USP9X: variants seen among roughly 807,000 people sequenced by gnomAD.
The protein encoded by USP9X is ubiquitin carboxyl-terminal hydrolase 9X.
A neutral mutation model predicts 190.3 loss-of-function variants in USP9X; 7 were observed. That is an observed-to-expected ratio of 0.04 (90% CI 0.02 to 0.07). USP9X has a LOEUF of 0.07. Ranked by LOEUF, USP9X falls within the 10% of genes least tolerant of loss-of-function variation. The probability of loss-of-function intolerance (pLI) is 1.00; values close to 1 mark genes in which losing one functional copy is unlikely to be tolerated. For synonymous variants in USP9X, 645 were observed against 659.5 expected (o/e 0.98, Z 0.34); for missense variants, 1,010 against 1,916.9 (o/e 0.53, Z 8.83).
rs184747330 is a variant in USP9X, at chrX:41,191,443, A to G, written c.3977+1968A>G. On this transcript the variant is annotated intron_variant, in intron 26 of 44. Coordinates refer to ENST00000378308, the MANE Select transcript of USP9X (RefSeq NM_001039591.3). ...CCCCTCAGATGGAGTTTATAATCCT[A>G]TAGTAACGTTTAAGCATAGTTATTT... Among the ~76,000 whole-genome samples, 34 of 111,587 alleles carry G rather than the reference A, an allele frequency of 3.0e-4. No homozygotes were observed. In the East Asian group the frequency reaches 7.3e-3, roughly 24 times the overall value.
At chrX:41,207,724 C>CG (rs2063117055) in intron 32 of USP9X, among the ~76,000 whole-genome samples, 1 of 110,960 alleles carries the variant, frequency 9.0e-6, no homozygotes, top group Admixed American at 9.6e-5. Context: ...CTGAGAGGAG[C>CG]GGGGAACGAA....
Position 41,186,630 on chromosome X carries a change from G to A in USP9X, c.3672G>A (p.Gln1224=), listed in dbSNP as rs764048922. The A allele has an allele frequency of 5.0e-6, 6 of 1,210,694 alleles. No individual in the cohort carries two copies. The East Asian group carries it at 1.8e-4, about 36-fold the overall frequency. Residue 1224 remains glutamine (Q), a synonymous_variant, in exon 24 of 45, where the codon CAG becomes CAA. Transcript: ENST00000378308. The stretch of plus-strand genomic sequence containing the variant: ...ATGTGTCAGTTCGTCTTGCTCAGCA[G>A]ATATCTGATGAGGTTAGTTTTATCA... ...LRNVSVRLAQ[Q]ISDEASRYMP...
intron 32 of USP9X, among the ~76,000 whole-genome samples, chrX:41,209,189 G>A (rs1291588289): frequency 2.7e-5 from 3 of 111,294 alleles, no homozygotes; most frequent in Non-Finnish European, 3.8e-5. Flanking sequence ...TATATATTCC[G>A]ATTTCCCAAA....
chrX:41,165,387 G>A (rs753819330), intron 15 of USP9X, among the ~76,000 whole-genome samples: 26 of 111,491 alleles, frequency 2.3e-4, no homozygotes, highest in Non-Finnish European at 4.5e-4. Context: ...CACCACACCC[G>A]GCTAATTTTT....
chrX:41,205,343 A>G lies in USP9X; in HGVS notation c.4865A>G (p.Gln1622Arg). The change falls in exon 32 of 45, where the codon CAA becomes CGA. Residue 1622 changes from glutamine to arginine, a missense_variant. Physicochemically the swap from Gln to Arg is conservative, Grantham distance 43. Around this residue, in one of 11 missense-constraint regions of USP9X, gnomAD observed 120 missense variants for 342.7 expected, o/e 0.35. Coordinates refer to ENST00000378308, the MANE Select transcript of USP9X (RefSeq NM_001039591.3). ...AGGGATGATGTATTTGGATATCCTC[A>G]ACAATTTGAAGATAAACCAGCATTA... ...DPRDDVFGYPQQFEDKPALSK... is the reference protein window; with the variant it reads ...DPRDDVFGYPRQFEDKPALSK... 1 of 1,203,792 alleles carries G rather than the reference A, an allele frequency of 8.3e-7. No individual in the cohort carries two copies. Among genetic ancestry groups the G allele is most frequent in the Non-Finnish European group, 1.1e-6 (1 of 892,323 alleles).
At chrX:41,224,656 A>G in intron 39 of USP9X, 86 bp from the exon 40 acceptor site, 2 of 860,219 alleles carry the variant, frequency 2.3e-6, no homozygotes, top group Non-Finnish European at 3.3e-6. Context: ...AAAAAAAATT[A>G]TAGGCTATTT....
intron 21 of USP9X, among the ~76,000 whole-genome samples, chrX:41,172,365 G>A (rs1658983150): frequency 1.8e-5 from 2 of 111,640 alleles, no homozygotes; most frequent in Admixed American, 1.9e-4. Context: ...GAAAATGTTT[G>A]CCTATACCTG....
intron 21 of USP9X, among the ~76,000 whole-genome samples, chrX:41,177,382 C>T (rs1250712967): frequency 1.8e-5 from 2 of 112,157 alleles, no homozygotes; most frequent in African/African-American, 6.5e-5. Context: ...TTGAATGGCA[C>T]ATGTCAGTTG....
chrX:41,140,814 T>C, intron 7 of USP9X, 43 bp downstream of exon 7: 1 of 1,105,103 alleles, frequency 9.0e-7, no homozygotes, highest in Non-Finnish European at 1.2e-6. Context: ...ACCGTAGAAT[T>C]GCTGGTTTTT....
At chrX:41,160,706 G>T (rs2062622252) in intron 14 of USP9X, among the ~76,000 whole-genome samples, 1 of 111,931 alleles carries the variant, frequency 8.9e-6, no homozygotes, top group African/African-American at 3.3e-5. Flanking sequence ...TTATGACGAA[G>T]TGGCATGGAA....
intron 34 of USP9X, among the ~76,000 whole-genome samples, 180 bp from the exon 35 acceptor site, chrX:41,215,719 A>T (rs1431591604): frequency 1.8e-5 from 2 of 112,320 alleles, no homozygotes. Flanking sequence ...TTTGCATATT[A>T]TTAATTTCAG....
intron 1 of USP9X, among the ~76,000 whole-genome samples, chrX:41,099,096 GTTTT>G (rs34179321): frequency 0.26 from 11,494 of 43,984 alleles, 1,387 homozygotes; most frequent in Middle Eastern, 0.35. Context: ...CCAGATAATT[GTTTT>G]TTTTTTTTTT....
chrX:41,140,571 T>A (rs2062414038), intron 6 of USP9X, 85 bp from the exon 7 acceptor site: 1 of 597,970 alleles, frequency 1.7e-6, no homozygotes, highest in Non-Finnish European at 2.7e-6. Flanking sequence ...ATTTACTATT[T>A]CTAGTATATT....
chrX:41,215,829 G>T (rs1602045541), intron 34 of USP9X, 70 bp from the exon 35 acceptor site: 4 of 1,038,514 alleles, frequency 3.9e-6, no homozygotes, highest in Non-Finnish European at 3.9e-6. Flanking sequence ...TTAAAAGTTT[G>T]CTTGGGGTTT....
chrX:41,088,103 C>T (rs937530922), intron 1 of USP9X, among the ~76,000 whole-genome samples: 10 of 112,011 alleles, frequency 8.9e-5, no homozygotes, highest in African/African-American at 3.2e-4. Context: ...CCTGCCTCAG[C>T]CTCCCTGGTA....
chrX:41,205,887 C>CTTT lies in USP9X; in HGVS notation c.5015+399_5015+401dup, dbSNP rs751427663. ...TTTTTCTTTTTTTCTTTTTCTTTTT[C>CTTT]TTTTTTTCTTTTTTTTTTTTGAGAT... On this transcript the variant is annotated intron_variant, in intron 32 of 44. Transcript: ENST00000378308. Among the ~76,000 whole-genome samples, 265 of 87,113 alleles carry CTTT rather than the reference C, an allele frequency of 3.0e-3. 8 individuals are homozygous for CTTT. The highest frequency in any genetic ancestry group is 9.6e-3 in the African/African-American group (236 of 24,475). 75.6% of individuals were successfully genotyped at this position (87,113 alleles called of 115,157 possible).
chrX:41,195,100 G>T (rs1450745563), intron 26 of USP9X, among the ~76,000 whole-genome samples: 1 of 108,856 alleles, frequency 9.2e-6, no homozygotes, highest in African/African-American at 3.4e-5. Context: ...GCAGTGGCGT[G>T]ATCTCAGCTC....
intron 3 of USP9X, among the ~76,000 whole-genome samples, chrX:41,130,076 C>A (rs761106501): frequency 1.8e-5 from 2 of 111,779 alleles, no homozygotes; most frequent in Non-Finnish European, 3.8e-5. Context: ...ACAATCAATA[C>A]ATTCTTCAGA....
chrX:41,166,496 T>A (rs746178035), intron 16 of USP9X, among the ~76,000 whole-genome samples: 3 of 111,598 alleles, frequency 2.7e-5, no homozygotes, highest in Admixed American at 9.5e-5. Context: ...TCCTCCCCCG[T>A]GGATATTAAT....
Sources: allele counts gnomAD v4.1 joint callset (sites outside exome capture counted in the v4.1 genomes callset), GRCh38; gene constraint gnomAD v4.1.1; regional missense constraint gnomAD v4.1.1; transcripts MANE v1.5; gene names NCBI Gene and HGNC (gene_info 2026-07-23, HGNC 2026-07-21).